MCC: variants seen among roughly 807,000 people sequenced by gnomAD.
The protein encoded by MCC is colorectal mutant cancer protein.
MCC carries 90 observed loss-of-function variants against 116.2 expected under a neutral mutation model. The ratio of observed to expected loss-of-function variants is 0.77; its 90% CI spans 0.65 to 0.92. The LOEUF is 0.92. Ranked by LOEUF, MCC falls within the 40% of genes least tolerant of loss-of-function variation. The pLI, the probability that MCC is intolerant of heterozygous loss-of-function variation, is 0.00. For missense variants in MCC, 1,516 were observed against 1,312.2 expected (o/e 1.16, Z -2.40); for synonymous variants, 578 against 510.5 (o/e 1.13, Z -1.78).
Position 113,027,007 on chromosome 5 carries a change from G to T in MCC, c.*295C>A, listed in dbSNP as rs974204453. 5 of 352,252 alleles carry T rather than the reference G, an allele frequency of 1.4e-5. No individual in the cohort carries two copies. The highest frequency in any genetic ancestry group is 1.0e-4 in the African/African-American group (5 of 47,690). The allele number at this position is 352,252 out of a possible 1,614,324, so 21.8% of individuals were successfully genotyped here. ...GCACAGCCGCCAGACCAGAAGAGGA[G>T]GGGGAGAGTGAGTGCTGAAAGCAGA... On this transcript the variant is annotated 3_prime_UTR_variant, in exon 19 of 19. Transcript: ENST00000408903.
intron 1 of MCC, among the ~76,000 whole-genome samples, chr5:113,460,450 G>C (rs183635992): frequency 8.2e-4 from 125 of 152,156 alleles, no homozygotes; most frequent in East Asian, 3.3e-3. Flanking sequence ...TCTTTACCTT[G>C]TCTTTTCCCC....
intron 3 of MCC, among the ~76,000 whole-genome samples, chr5:113,292,766 G>C (rs562346612): frequency 6.6e-6 from 1 of 152,164 alleles, no homozygotes; most frequent in East Asian, 1.9e-4. Context: ...CTGCTGCATA[G>C]AAACATCGTG....
intron 1 of MCC, among the ~76,000 whole-genome samples, chr5:113,424,096 C>T (rs2150408244): frequency 6.8e-6 from 1 of 146,924 alleles, no homozygotes; most frequent in East Asian, 2.1e-4. Context: ...CTTAGATCAT[C>T]CTACGGTTAA....
At chr5:113,405,189 C>G (rs910407421) in intron 1 of MCC, among the ~76,000 whole-genome samples, 6 of 152,192 alleles carry the variant, frequency 3.9e-5, no homozygotes, top group African/African-American at 1.4e-4. Flanking sequence ...AAGAAGAAAA[C>G]CAAATGCCTC....
intron 3 of MCC, among the ~76,000 whole-genome samples, chr5:113,164,555 C>G (rs1157797893): frequency 6.6e-6 from 1 of 152,188 alleles, no homozygotes; most frequent in African/African-American, 2.4e-5. Context: ...TTCTGCCTAG[C>G]TCATTCTTAC....
At chr5:113,060,430 G>A (rs901279457) in intron 14 of MCC, among the ~76,000 whole-genome samples, 4 of 152,170 alleles carry the variant, frequency 2.6e-5, no homozygotes, top group Non-Finnish European at 4.4e-5. Flanking sequence ...TGGGATTACA[G>A]GTGTGAGTCA....
intron 8 of MCC, among the ~76,000 whole-genome samples, chr5:113,091,701 G>A (rs570702330): frequency 9.9e-5 from 15 of 152,184 alleles, no homozygotes; most frequent in Admixed American, 4.6e-4. Flanking sequence ...GGGCAATAGC[G>A]CAAGACCCTG....
At chr5:113,364,646 G>C (rs1055529134) in intron 2 of MCC, among the ~76,000 whole-genome samples, 3 of 152,222 alleles carry the variant, frequency 2.0e-5, no homozygotes, top group Non-Finnish European at 2.9e-5. Context: ...TCCTAGTACA[G>C]GTTCTCCATG....
intron 3 of MCC, chr5:113,323,280 C>T (rs1767471308): frequency 6.6e-6 from 1 of 152,214 alleles, no homozygotes; most frequent in African/African-American, 2.4e-5. Context: ...CTAGGTGAGA[C>T]AATAAATGTT....
At chr5:113,444,065 G>A (rs1245064387) in intron 1 of MCC, among the ~76,000 whole-genome samples, 4 of 151,428 alleles carry the variant, frequency 2.6e-5, no homozygotes, top group African/African-American at 7.3e-5. Context: ...GGCTGTTCTC[G>A]AACTCCTGAC....
intron 5 of MCC, among the ~76,000 whole-genome samples, chr5:113,132,465 C>A (rs201196949): frequency 7.5e-6 from 1 of 133,938 alleles, no homozygotes; most frequent in African/African-American, 3.0e-5. Flanking sequence ...CACACACACA[C>A]ACACACACAC....
intron 5 of MCC, among the ~76,000 whole-genome samples, chr5:113,141,432 T>C (rs1269135683): frequency 2.0e-5 from 3 of 152,230 alleles, no homozygotes; most frequent in African/African-American, 7.2e-5. Flanking sequence ...CTTTCATATC[T>C]TTACAGATGT....
chr5:113,314,952 G>A (rs1386526911), intron 3 of MCC, among the ~76,000 whole-genome samples: 2 of 152,186 alleles, frequency 1.3e-5, no homozygotes, highest in Non-Finnish European at 2.9e-5. Context: ...TGGTCTTAGT[G>A]CTCTTCCAAG....
chr5:113,027,188 TA>T lies in MCC; in HGVS notation c.*113del. ...GCACTCCATTGTCCAAGTGCCGACC[TA>T]CCTGCCAGCCTTCCCTTTCCTCCTC... On this transcript the variant is annotated 3_prime_UTR_variant, in exon 19 of 19. Coordinates refer to ENST00000408903, the MANE Select transcript of MCC (RefSeq NM_001085377.2). 1 of 1,144,290 alleles carries T rather than the reference TA, an allele frequency of 8.7e-7. No individual in the cohort carries two copies. The highest frequency in any genetic ancestry group is 1.2e-6 in the Non-Finnish European group (1 of 814,200). The allele number at this position is 1,144,290 out of a possible 1,614,324, so 70.9% of individuals were successfully genotyped here.
intron 14 of MCC, among the ~76,000 whole-genome samples, chr5:113,058,090 A>G (rs552259905): frequency 7.9e-5 from 12 of 152,220 alleles, no homozygotes; most frequent in Non-Finnish European, 1.5e-4. Context: ...AGAAAAACAA[A>G]GAATAACCAA....
chr5:113,318,308 A>G (rs1475076471), intron 3 of MCC, among the ~76,000 whole-genome samples: 1 of 152,218 alleles, frequency 6.6e-6, no homozygotes, highest in Non-Finnish European at 1.5e-5. Context: ...TGCAAATTCC[A>G]AGTCTAACTA....
intron 2 of MCC, among the ~76,000 whole-genome samples, chr5:113,372,781 T>A (rs1581434763): frequency 6.6e-6 from 1 of 152,154 alleles, no homozygotes; most frequent in South Asian, 2.1e-4. Flanking sequence ...GGCCTTTAAC[T>A]CCCCGGGCTC....
At chr5:113,293,119 G>A (rs1766571159) in intron 3 of MCC, among the ~76,000 whole-genome samples, 1 of 152,140 alleles carries the variant, frequency 6.6e-6, no homozygotes, top group African/African-American at 2.4e-5. Context: ...CACAGCAGCA[G>A]CATGACACTT....
At chr5:113,253,335 G>A (rs1413341497) in intron 3 of MCC, among the ~76,000 whole-genome samples, 2 of 152,140 alleles carry the variant, frequency 1.3e-5, no homozygotes, top group Non-Finnish European at 2.9e-5. Flanking sequence ...GTGGTGGCAC[G>A]GTTGGCCCCT....
Sources: allele counts gnomAD v4.1 joint callset (sites outside exome capture counted in the v4.1 genomes callset), GRCh38; gene constraint gnomAD v4.1.1; transcripts MANE v1.5; gene names NCBI Gene and HGNC (gene_info 2026-07-23, HGNC 2026-07-21).